RASA2: variants seen among roughly 807,000 people sequenced by gnomAD.
The protein encoded by RASA2 is ras GTPase-activating protein 2.
In RASA2, 155 loss-of-function variants were observed where a neutral mutation model predicts 118.2. That is an observed-to-expected ratio of 1.31 (90% CI 1.15 to 1.50). The LOEUF (loss-of-function observed/expected upper bound fraction) is 1.50, where lower values mean the gene tolerates loss of function less well. RASA2 is among the 40% of genes most tolerant of loss of function. The probability of loss-of-function intolerance (pLI) is 0.00; values close to 1 mark genes in which losing one functional copy is unlikely to be tolerated. For synonymous variants in RASA2, 353 were observed against 349.1 expected, an observed-to-expected ratio of 1.01 and a Z score of -0.12; for missense variants, 1,016 against 1,009.6, an observed-to-expected ratio of 1.01 and a Z score of -0.09.
chr3:141,591,404 A>G (rs2083283393), intron 19 of RASA2, among the ~76,000 whole-genome samples: 1 of 152,038 alleles, frequency 6.6e-6, no homozygotes, highest in Admixed American at 6.6e-5. Context: ...CCATTCCCTT[A>G]CTGTGTATCT....
intron 5 of RASA2, among the ~76,000 whole-genome samples, 165 bp downstream of exon 5, chr3:141,540,774 G>C (rs955413038): frequency 2.0e-5 from 3 of 151,974 alleles, no homozygotes; most frequent in African/African-American, 7.3e-5. Flanking sequence ...TTTTCTCATA[G>C]TCTACTCAGG....
At position 141,537,804 on chromosome 3, in the gene RASA2, C is replaced by T. The variant is rs545029360; in HGVS notation, c.451-2729C>T. Among the ~76,000 whole-genome samples the T allele has an allele frequency of 2.0e-5, 3 of 152,186 alleles. No homozygotes were observed. In the South Asian group the frequency reaches 6.2e-4, roughly 32 times the overall value. On this transcript the variant is annotated intron_variant, in intron 4 of 23. Transcript: ENST00000286364. The stretch of plus-strand genomic sequence containing the variant: ...AAAGCAATTTTAAATTCTGTCAATT[C>T]CAATATCTGCGTCTCTTGTAAGTCC...
At chr3:141,560,128 T>C in intron 9 of RASA2, 133 bp downstream of exon 9, 2 of 617,472 alleles carry the variant, frequency 3.2e-6, no homozygotes, top group South Asian at 2.8e-5. Flanking sequence ...AATATTGATA[T>C]GTTCATTAAT....
intron 1 of RASA2, among the ~76,000 whole-genome samples, chr3:141,487,870 C>G (rs1002353620): frequency 2.6e-5 from 4 of 152,150 alleles, no homozygotes; most frequent in African/African-American, 7.2e-5. Flanking sequence ...CTGTACTTGC[C>G]CCACCTCGCT....
chr3:141,598,499 C>T (rs914073574), intron 19 of RASA2, among the ~76,000 whole-genome samples: 1 of 152,124 alleles, frequency 6.6e-6, no homozygotes, highest in African/African-American at 2.4e-5. Flanking sequence ...GTAGTTAAAT[C>T]AAGGATTATC....
intron 23 of RASA2, among the ~76,000 whole-genome samples, chr3:141,611,700 AT>A (rs2083654337): frequency 6.6e-6 from 1 of 152,174 alleles, no homozygotes; most frequent in African/African-American, 2.4e-5. Flanking sequence ...TGAATTAATA[AT>A]TATATTTTTT....
rs57526162 is a variant in RASA2, at chr3:141,561,641, G to A, written c.863+1646G>A. On this transcript the variant is annotated intron_variant, in intron 9 of 23. Transcript: ENST00000286364. ...TAGAGCCATAGCATCCCCTTGTGGG[G>A]TTGTTAGTAACTGCATGAAAACTCA... Among the ~76,000 whole-genome samples, 948 of 152,306 alleles carry A rather than the reference G, an allele frequency of 6.2e-3. 57 individuals carry two copies. In the East Asian group the frequency reaches 0.13, roughly 21 times the overall value.
intron 19 of RASA2, among the ~76,000 whole-genome samples, chr3:141,588,347 A>G (rs1420239990): frequency 6.6e-6 from 1 of 152,250 alleles, no homozygotes; most frequent in Non-Finnish European, 1.5e-5. Flanking sequence ...TTTAGCAACA[A>G]ACCCAATGGA....
chr3:141,542,972 TAAA>T (rs1225368534), intron 5 of RASA2, among the ~76,000 whole-genome samples: 2 of 152,264 alleles, frequency 1.3e-5, no homozygotes, highest in East Asian at 3.9e-4. Context: ...GTCACTTTTT[TAAA>T]AAAATCATTT....
intron 4 of RASA2, among the ~76,000 whole-genome samples, chr3:141,531,337 G>C (rs2082255733): frequency 6.6e-6 from 1 of 151,602 alleles, no homozygotes. Context: ...AATCTATATA[G>C]AATATAGAAT....
At chr3:141,572,760 C>T (rs1420471453) in intron 12 of RASA2, 37 bp downstream of exon 12, 1 of 1,423,494 alleles carries the variant, frequency 7.0e-7, no homozygotes, top group East Asian at 2.3e-5. Flanking sequence ...AGTTTGTGGC[C>T]TTATGATAGT....
intron 3 of RASA2, among the ~76,000 whole-genome samples, chr3:141,528,411 T>C (rs936361162): frequency 2.6e-5 from 4 of 151,918 alleles, no homozygotes; most frequent in African/African-American, 9.7e-5. Flanking sequence ...AAAGAATCAT[T>C]ATATACGTTA....
intron 19 of RASA2, among the ~76,000 whole-genome samples, chr3:141,587,390 T>C (rs1383805155): frequency 6.6e-6 from 1 of 152,244 alleles, no homozygotes; most frequent in East Asian, 1.9e-4. Flanking sequence ...TTAAATAAAC[T>C]ACTTTTGAGT....
intron 3 of RASA2, among the ~76,000 whole-genome samples, chr3:141,520,011 CTTTTTTT>C (rs559634060): frequency 0.012 from 1,282 of 109,780 alleles, 7 homozygotes; most frequent in Non-Finnish European, 0.018. Flanking sequence ...TTCTTTTTCT[CTTTTTTT>C]TTTTTTTTTT....
At chr3:141,515,672 C>T (rs1185099185) in intron 2 of RASA2, among the ~76,000 whole-genome samples, 2 of 151,872 alleles carry the variant, frequency 1.3e-5, no homozygotes, top group East Asian at 1.9e-4. Flanking sequence ...GAGGCTGAGG[C>T]GGGTGGATTG....
intron 17 of RASA2, among the ~76,000 whole-genome samples, chr3:141,584,331 A>C (rs923160088): frequency 1.2e-4 from 8 of 69,278 alleles, no homozygotes; most frequent in South Asian, 7.2e-4. Flanking sequence ...ACTCCATCCC[A>C]AAAAAAAAAA....
At chr3:141,574,514 T>C (rs1445064341) in intron 14 of RASA2, among the ~76,000 whole-genome samples, 4 of 152,158 alleles carry the variant, frequency 2.6e-5, no homozygotes, top group Admixed American at 2.6e-4. Flanking sequence ...ACAACCTTCT[T>C]TAGTTTTTCA....
intron 5 of RASA2, among the ~76,000 whole-genome samples, chr3:141,546,119 G>C (rs2082481773): frequency 6.6e-6 from 1 of 152,166 alleles, no homozygotes; most frequent in South Asian, 2.1e-4. Flanking sequence ...TGGACACTTA[G>C]ATTGCTTCCA....
chr3:141,494,943 G>A (rs2081682200), intron 1 of RASA2, among the ~76,000 whole-genome samples: 1 of 152,164 alleles, frequency 6.6e-6, no homozygotes, highest in South Asian at 2.1e-4. Context: ...GATCCAGTGA[G>A]GGCAGTCAGT....
Sources: allele counts gnomAD v4.1 joint callset (sites outside exome capture counted in the v4.1 genomes callset), GRCh38; gene constraint gnomAD v4.1.1; transcripts MANE v1.5; gene names NCBI Gene and HGNC (gene_info 2026-07-23, HGNC 2026-07-21).